TAF3: variants seen among roughly 807,000 people sequenced by gnomAD.
TAF3 encodes transcription initiation factor TFIID subunit 3.
TAF3 carries 7 observed loss-of-function variants against 80.6 expected under a neutral mutation model. That is an observed-to-expected ratio of 0.09 (90% confidence interval 0.05 to 0.16). The LOEUF (loss-of-function observed/expected upper bound fraction) is 0.16. TAF3 is among the 10% of genes least tolerant of loss of function. The pLI, the probability that TAF3 is intolerant of heterozygous loss-of-function variation, is 1.00. For synonymous variants in TAF3, 444 were observed against 446.1 expected, an observed-to-expected ratio of 1.00 and a Z score of 0.06; for missense variants, 921 against 1,140.2, an observed-to-expected ratio of 0.81 and a Z score of 2.77.
At chr10:7,941,217 C>T (rs1235623345) in intron 2 of TAF3, among the ~76,000 whole-genome samples, 1 of 152,162 alleles carries the variant, frequency 6.6e-6, no homozygotes. Context: ...CCACGTTTAG[C>T]CTGCTAGATC....
chr10:7,998,032 C>CA (rs2131432706), intron 4 of TAF3, among the ~76,000 whole-genome samples: 1 of 151,862 alleles, frequency 6.6e-6, no homozygotes, highest in East Asian at 1.9e-4. Context: ...TCGGTCATCA[C>CA]AAAAATAACC....
At chr10:7,881,244 A>G (rs1365806407) in intron 2 of TAF3, among the ~76,000 whole-genome samples, 3 of 151,532 alleles carry the variant, frequency 2.0e-5, no homozygotes, top group African/African-American at 7.3e-5. Context: ...TGTCTCAAAA[A>G]AAAAAAACAA....
At chr10:8,014,530 T>G in intron 6 of TAF3, 107 bp from the exon 7 acceptor site, 1 of 938,608 alleles carries the variant, frequency 1.1e-6, no homozygotes. Flanking sequence ...TGACTTTGAT[T>G]TCGGGTAAAC....
chr10:7,889,844 T>C (rs1008972207), intron 2 of TAF3, among the ~76,000 whole-genome samples: 3 of 152,198 alleles, frequency 2.0e-5, no homozygotes, highest in Non-Finnish European at 4.4e-5. Flanking sequence ...CTGTCAGTTG[T>C]ACCTCCTAAA....
At chr10:7,986,749 T>C (rs1588577494) in intron 4 of TAF3, among the ~76,000 whole-genome samples, 1 of 152,132 alleles carries the variant, frequency 6.6e-6, no homozygotes, top group African/African-American at 2.4e-5. Flanking sequence ...CATATCCTTA[T>C]TCACAGGGAT....
intron 3 of TAF3, among the ~76,000 whole-genome samples, chr10:7,972,958 A>G (rs369575193): frequency 6.6e-6 from 1 of 152,338 alleles, no homozygotes; most frequent in East Asian, 1.9e-4. Flanking sequence ...CATCAATATT[A>G]CCAGAAAAAG....
At chr10:7,969,547 C>T (rs1831603114) in intron 3 of TAF3, among the ~76,000 whole-genome samples, 1 of 151,970 alleles carries the variant, frequency 6.6e-6, no homozygotes, top group African/African-American at 2.4e-5. Flanking sequence ...TTACAATTCC[C>T]TCTTGTTCTT....
At chr10:7,828,889 C>T (rs535329838) in intron 2 of TAF3, among the ~76,000 whole-genome samples, 8 of 91,262 alleles carry the variant, frequency 8.8e-5, no homozygotes, top group Admixed American at 2.4e-4. Flanking sequence ...CAAAAATTAG[C>T]TGGGTGTGGT....
intron 4 of TAF3, among the ~76,000 whole-genome samples, chr10:7,997,941 G>C (rs192492718): frequency 5.9e-5 from 9 of 152,174 alleles, no homozygotes; most frequent in Admixed American, 5.9e-4. Flanking sequence ...TCTCACAAGT[G>C]ATGAAAAATT....
At chr10:7,925,451 G>C (rs1032041807) in intron 2 of TAF3, among the ~76,000 whole-genome samples, 8 of 152,184 alleles carry the variant, frequency 5.3e-5, no homozygotes, top group African/African-American at 1.7e-4. Context: ...TTATAAACAT[G>C]GAGTGCTTCT....
At chr10:7,903,084 T>C (rs772244565) in intron 2 of TAF3, among the ~76,000 whole-genome samples, 6 of 152,080 alleles carry the variant, frequency 3.9e-5, no homozygotes, top group Non-Finnish European at 5.9e-5. Context: ...TATCCTGGCA[T>C]GGTGACACAC....
In TAF3 at chr10:7,940,304, T is replaced by G. The variant is rs534143587; in HGVS notation, c.410-23616T>G. On this transcript the variant is annotated intron_variant, in intron 2 of 6. Coordinates refer to ENST00000344293, the MANE Select transcript of TAF3 (RefSeq NM_031923.4). ...TCTTATCAGGAAACTACCAGATGAT[T>G]CAGTCTCAATTTAATTAAATCTAAT... 4.7e-4 allele frequency among the ~76,000 whole-genome samples: 71 copies of G among 152,348 alleles called. 2 individuals carry two copies. The South Asian group carries it at 0.013, about 28-fold the overall frequency.
intron 4 of TAF3, among the ~76,000 whole-genome samples, chr10:7,988,905 T>C (rs1244328934): frequency 1.3e-5 from 2 of 152,166 alleles, no homozygotes; most frequent in Non-Finnish European, 1.5e-5. Flanking sequence ...TACTTTGCAC[T>C]TAAAAGTTTA....
intron 2 of TAF3, among the ~76,000 whole-genome samples, chr10:7,877,464 GTTCT>G (rs1287756953): frequency 6.6e-6 from 1 of 152,074 alleles, no homozygotes; most frequent in Admixed American, 6.5e-5. Context: ...TTCTTGTTCA[GTTCT>G]TTAAGACACA....
intron 4 of TAF3, among the ~76,000 whole-genome samples, chr10:7,990,630 A>G (rs1831825021): frequency 6.6e-6 from 1 of 152,252 alleles, no homozygotes; most frequent in African/African-American, 2.4e-5. Context: ...CTCTTAAATA[A>G]GAAATGCATT....
chr10:7,982,781 C>G (rs1490012342), intron 4 of TAF3, among the ~76,000 whole-genome samples: 1 of 152,092 alleles, frequency 6.6e-6, no homozygotes, highest in Non-Finnish European at 1.5e-5. Flanking sequence ...AAATTAACTT[C>G]TATGTGGGAG....
intron 2 of TAF3, among the ~76,000 whole-genome samples, chr10:7,902,527 A>G (rs912431841): frequency 1.3e-4 from 20 of 152,164 alleles, no homozygotes; most frequent in African/African-American, 4.8e-4. Flanking sequence ...AACTCAGGGG[A>G]AAAACGTTTC....
chr10:8,007,272 A>G (rs1278574820), intron 4 of TAF3, among the ~76,000 whole-genome samples: 1 of 152,164 alleles, frequency 6.6e-6, no homozygotes, highest in African/African-American at 2.4e-5. Flanking sequence ...ACTAAGTGGG[A>G]AAAGCTAGTT....
At chr10:7,891,101 G>A (rs1229257424) in intron 2 of TAF3, among the ~76,000 whole-genome samples, 2 of 152,196 alleles carry the variant, frequency 1.3e-5, no homozygotes, top group Admixed American at 1.3e-4. Context: ...AAATGGAGAG[G>A]ACATTTGTTA....
Sources: gnomAD v4.1 joint callset for allele counts (sites outside exome capture counted in the v4.1 genomes callset) on GRCh38, gnomAD v4.1.1 for gene constraint, MANE v1.5 for transcripts, NCBI Gene and HGNC (gene_info 2026-07-23, HGNC 2026-07-21) for gene names.